Variants in HPSE2 observed in about 807,000 individuals in gnomAD.
HPSE2 encodes inactive heparanase-2.
A neutral mutation model predicts 60.5 loss-of-function variants in HPSE2; 38 were observed. The observed-to-expected ratio is 0.63, with a 90% CI of 0.48 to 0.82. The LOEUF (loss-of-function observed/expected upper bound fraction) is 0.82, where lower values mean the gene tolerates loss of function less well. HPSE2 is among the 40% of genes least tolerant of loss of function. The pLI is 0.00. For missense variants in HPSE2, 713 were observed against 740.4 expected (o/e 0.96, Z 0.43); for synonymous variants, 295 against 293.2 (o/e 1.01, Z -0.06).
chr10:99,121,447 A>G (rs183351106), intron 3 of HPSE2, among the ~76,000 whole-genome samples: 14 of 152,212 alleles, frequency 9.2e-5, no homozygotes, highest in African/African-American at 2.2e-4. Context: ...CTTAAAAAAT[A>G]TATTAAATAA....
chr10:99,011,552 TAG>T (rs1343262952), intron 3 of HPSE2, among the ~76,000 whole-genome samples: 2 of 151,932 alleles, frequency 1.3e-5, no homozygotes, highest in Non-Finnish European at 2.9e-5. Flanking sequence ...CGTCAAGAGA[TAG>T]AGACCATCCT....
chr10:98,513,091 C>T (rs1219435268), intron 9 of HPSE2, among the ~76,000 whole-genome samples: 1 of 152,098 alleles, frequency 6.6e-6, no homozygotes, highest in African/African-American at 2.4e-5. Context: ...ATTATGTTTT[C>T]TCACAGATGT....
At position 99,012,772 on chromosome 10, in the gene HPSE2, G is replaced by A. The variant is rs185307031; in HGVS notation, c.610+131466C>T. ...AGAGAATAACACTCAACTAGGGAGGGTTATACTGATAATAAAGCTCTCAAA... is the reference window on the plus strand; with the variant it reads ...AGAGAATAACACTCAACTAGGGAGGATTATACTGATAATAAAGCTCTCAAA... On this transcript the variant is annotated intron_variant, in intron 3 of 11. Coordinates refer to ENST00000370552, the MANE Select transcript of HPSE2 (RefSeq NM_021828.5). Among the ~76,000 whole-genome samples, 77 of 152,236 alleles carry A rather than the reference G, an allele frequency of 5.1e-4. 1 individual carries two copies. Among genetic ancestry groups the A allele is most frequent in the Middle Eastern group, 3.4e-3 (1 of 294 alleles).
intron 9 of HPSE2, among the ~76,000 whole-genome samples, chr10:98,596,733 A>G (rs1413857806): frequency 6.6e-6 from 1 of 151,752 alleles, no homozygotes; most frequent in African/African-American, 2.4e-5. Flanking sequence ...CCTTATTGGA[A>G]CTCCCTTATA....
intron 3 of HPSE2, among the ~76,000 whole-genome samples, chr10:98,980,936 A>G (rs1056185696): frequency 5.3e-5 from 8 of 152,172 alleles, no homozygotes; most frequent in African/African-American, 1.9e-4. Flanking sequence ...TGGTTTGGTT[A>G]CTAGTCAGGA....
chr10:98,644,884 T>C (rs1946727268), intron 6 of HPSE2, among the ~76,000 whole-genome samples: 1 of 152,202 alleles, frequency 6.6e-6, no homozygotes, highest in African/African-American at 2.4e-5. Context: ...CATTCTCAGG[T>C]AATCTTGGGC....
At position 98,744,048 on chromosome 10, in the gene HPSE2, G is replaced by C. The variant is rs1376902880; in HGVS notation, c.619C>G (p.Leu207Val). ...YSNLILTARSLDKLYNFADCS... is the reference protein window; with the variant it reads ...YSNLILTARSVDKLYNFADCS... ...TCAGCAAAGTTATAAAGTTTGTCTA[G>C]AGACCTGGCTGGGAAGAAGCAGAGA... The change falls in exon 4 of 12, where the codon CTA becomes GTA. Residue 207 changes from leucine to valine, a missense_variant. Coordinates refer to ENST00000370552, the MANE Select transcript of HPSE2 (RefSeq NM_021828.5). 6 of 1,614,030 alleles carry C rather than the reference G, an allele frequency of 3.7e-6. No homozygotes were observed. The highest frequency in any genetic ancestry group is 5.1e-6 in the Non-Finnish European group (6 of 1,179,956).
intron 7 of HPSE2, among the ~76,000 whole-genome samples, chr10:98,630,783 GATA>G (rs1946348490): frequency 3.3e-5 from 5 of 152,192 alleles, no homozygotes; most frequent in African/African-American, 1.2e-4. Flanking sequence ...AAATGAGAGA[GATA>G]ATATTTTACT....
At chr10:98,929,019 T>C (rs1387952853) in intron 3 of HPSE2, among the ~76,000 whole-genome samples, 1 of 141,892 alleles carries the variant, frequency 7.0e-6, no homozygotes, top group Non-Finnish European at 1.5e-5. Flanking sequence ...AATAAATAAA[T>C]ATTTTTTAGT....
intron 9 of HPSE2, among the ~76,000 whole-genome samples, chr10:98,516,816 G>T (rs1046211215): frequency 6.6e-6 from 1 of 152,044 alleles, no homozygotes; most frequent in African/African-American, 2.4e-5. Flanking sequence ...TGTGAGTAGG[G>T]GCCTGAAATA....
At chr10:98,571,979 C>T (rs1944508979) in intron 9 of HPSE2, among the ~76,000 whole-genome samples, 1 of 141,806 alleles carries the variant, frequency 7.1e-6, no homozygotes, top group Non-Finnish European at 1.5e-5. Flanking sequence ...CGTTCTGTTG[C>T]CCAGGCGGGA....
At chr10:99,174,104 A>G (rs1847431433) in intron 2 of HPSE2, among the ~76,000 whole-genome samples, 1 of 152,194 alleles carries the variant, frequency 6.6e-6, no homozygotes, top group African/African-American at 2.4e-5. Flanking sequence ...CTCGTTAGAC[A>G]ATGAAATTTT....
chr10:99,029,117 A>C (rs1957441509), intron 3 of HPSE2, among the ~76,000 whole-genome samples: 1 of 152,238 alleles, frequency 6.6e-6, no homozygotes, highest in East Asian at 1.9e-4. Context: ...CAACCAAAGA[A>C]GAAACGGACA....
intron 3 of HPSE2, among the ~76,000 whole-genome samples, chr10:99,054,576 TA>T (rs980967805): frequency 5.3e-5 from 8 of 152,308 alleles, no homozygotes; most frequent in Admixed American, 3.9e-4. Flanking sequence ...AGATCTGTAC[TA>T]ACAAAGCATA....
At chr10:98,917,225 A>G (rs1011397670) in intron 3 of HPSE2, among the ~76,000 whole-genome samples, 5 of 152,192 alleles carry the variant, frequency 3.3e-5, no homozygotes, top group African/African-American at 1.2e-4. Context: ...AGAGGGAAAC[A>G]CTAACATTTT....
chr10:98,534,071 G>T (rs1943208404), intron 9 of HPSE2, among the ~76,000 whole-genome samples: 1 of 152,130 alleles, frequency 6.6e-6, no homozygotes. Flanking sequence ...CAGAAATAGG[G>T]TTAGACATAA....
intron 6 of HPSE2, among the ~76,000 whole-genome samples, chr10:98,643,725 A>G (rs1181852146): frequency 6.6e-6 from 1 of 152,208 alleles, no homozygotes; most frequent in African/African-American, 2.4e-5. Context: ...AAGATCAGAT[A>G]CATGGCATAC....
At chr10:98,485,427 C>T (rs1252844) in intron 10 of HPSE2, among the ~76,000 whole-genome samples, 10,928 of 152,184 alleles carry the variant, frequency 0.072, 1,257 homozygotes, top group African/African-American at 0.25. Flanking sequence ...ATTATTAAAA[C>T]GACTCTTTCA....
intron 3 of HPSE2, among the ~76,000 whole-genome samples, chr10:99,041,944 A>G (rs1033993435): frequency 2.6e-5 from 4 of 152,220 alleles, no homozygotes; most frequent in African/African-American, 7.2e-5. Flanking sequence ...ACAGTTTTCC[A>G]TATGGTTCAC....
Sources: allele counts gnomAD v4.1 joint callset (sites outside exome capture counted in the v4.1 genomes callset), GRCh38; gene constraint gnomAD v4.1.1; transcripts MANE v1.5; gene names NCBI Gene and HGNC (gene_info 2026-07-23, HGNC 2026-07-21).